Variants in CSGALNACT1 observed in about 807,000 individuals in gnomAD.
CSGALNACT1 encodes beta4GalNAcT-1.
In CSGALNACT1, 52 loss-of-function variants were observed where a neutral mutation model predicts 51.0. That is an observed-to-expected ratio of 1.02 (90% confidence interval 0.82 to 1.29). The LOEUF (loss-of-function observed/expected upper bound fraction) is 1.29, where lower values mean the gene tolerates loss of function less well. CSGALNACT1 is among the 50% of genes most tolerant of loss of function. The probability of loss-of-function intolerance (pLI) is 0.00; values close to 1 mark genes in which losing one functional copy is unlikely to be tolerated. For missense variants in CSGALNACT1, 935 were observed against 679.2 expected, an observed-to-expected ratio of 1.38 and a Z score of -4.19; for synonymous variants, 341 against 254.4, an observed-to-expected ratio of 1.34 and a Z score of -3.24.
At chr8:19,715,838 C>A (rs569972970) in intron 1 of CSGALNACT1, among the ~76,000 whole-genome samples, 41 of 152,166 alleles carry the variant, frequency 2.7e-4, no homozygotes, top group Admixed American at 1.4e-3. Context: ...CAGTGACCTG[C>A]CAGCCTCACA....
At chr8:19,549,721 G>T (rs558873527) in intron 3 of CSGALNACT1, among the ~76,000 whole-genome samples, 40 of 137,594 alleles carry the variant, frequency 2.9e-4, no homozygotes, top group African/African-American at 1.1e-3. Context: ...CCCAAGAAAG[G>T]GTGCAGAGGA....
rs183223695 is a variant in CSGALNACT1, at chr8:19,432,598, T to C, written c.953+7232A>G. Among the ~76,000 whole-genome samples the C allele has an allele frequency of 2.0e-3, 297 of 152,088 alleles. 1 individual carries two copies. The highest frequency in any genetic ancestry group is 7.0e-3 in the African/African-American group (288 of 41,392). Reference sequence around the variant, plus strand: ...TGGTATCCCATGAATCTCAGGTTTGTTCATTTTCTTCATTCTTTTTTCTGT... The same window carrying C: ...TGGTATCCCATGAATCTCAGGTTTGCTCATTTTCTTCATTCTTTTTTCTGT... On this transcript the variant is annotated intron_variant, in intron 6 of 9. Transcript: ENST00000454498.
intron 3 of CSGALNACT1, among the ~76,000 whole-genome samples, chr8:19,580,402 A>C (rs1172794201): frequency 4.6e-5 from 7 of 152,234 alleles, no homozygotes; most frequent in Admixed American, 4.6e-4. Flanking sequence ...TAGTATGGAC[A>C]GAGTCCTGGT....
chr8:19,426,820 G>A (rs912683383), intron 6 of CSGALNACT1, among the ~76,000 whole-genome samples: 2 of 152,120 alleles, frequency 1.3e-5, no homozygotes, highest in East Asian at 1.9e-4. Context: ...GATTAAAAAC[G>A]ATAGATCTTC....
chr8:19,574,844 G>T (rs2043806112), intron 3 of CSGALNACT1, among the ~76,000 whole-genome samples: 1 of 152,084 alleles, frequency 6.6e-6, no homozygotes. Flanking sequence ...AGACCACCCT[G>T]GCCCATGTGG....
intron 1 of CSGALNACT1, among the ~76,000 whole-genome samples, chr8:19,664,538 T>A (rs1019408677): frequency 5.9e-5 from 9 of 152,124 alleles, no homozygotes; most frequent in African/African-American, 2.2e-4. Flanking sequence ...CCCTCCTATG[T>A]TTATCCCAGC....
chr8:19,594,897 C>T (rs1413150818), intron 2 of CSGALNACT1, among the ~76,000 whole-genome samples: 1 of 152,082 alleles, frequency 6.6e-6, no homozygotes, highest in Non-Finnish European at 1.5e-5. Context: ...GACCTTTACT[C>T]CTTTTATATA....
intron 1 of CSGALNACT1, among the ~76,000 whole-genome samples, chr8:19,617,718 G>C (rs1257900864): frequency 2.0e-5 from 3 of 152,100 alleles, no homozygotes; most frequent in African/African-American, 4.8e-5. Flanking sequence ...TATTTTCATT[G>C]AATTACTTTG....
intron 5 of CSGALNACT1, among the ~76,000 whole-genome samples, chr8:19,443,153 T>C (rs2061588750): frequency 1.3e-5 from 2 of 152,324 alleles, no homozygotes; most frequent in South Asian, 2.1e-4. Flanking sequence ...GTTTTGCCCA[T>C]GTCCTGTCCT....
At chr8:19,483,678 A>C (rs2072086391) in intron 4 of CSGALNACT1, among the ~76,000 whole-genome samples, 1 of 152,190 alleles carries the variant, frequency 6.6e-6, no homozygotes, top group Admixed American at 6.5e-5. Context: ...TCTGTAATCT[A>C]AAACCATACC....
At chr8:19,456,494 G>A (rs550793477) in intron 5 of CSGALNACT1, among the ~76,000 whole-genome samples, 1 of 152,228 alleles carries the variant, frequency 6.6e-6, no homozygotes, top group Non-Finnish European at 1.5e-5. Flanking sequence ...CCACATTCAG[G>A]TTCAACAACT....
In CSGALNACT1 at chr8:19,636,786, C is replaced by G. The variant is rs374132131; in HGVS notation, c.-543-34921G>C. 2.5e-4 allele frequency among the ~76,000 whole-genome samples: 38 copies of G among 152,202 alleles called. No individual in the cohort carries two copies. The East Asian group carries it at 6.8e-3, about 27-fold the overall frequency. On this transcript the variant is annotated intron_variant, in intron 1 of 9. Transcript: ENST00000332246. ...TCCCGAGTTTTGTAACGTTTTTTAC[C>G]TTATGTAATACCATTTCAATGTGGA...
At chr8:19,409,957 C>T (rs2055311624) in intron 8 of CSGALNACT1, among the ~76,000 whole-genome samples, 1 of 152,124 alleles carries the variant, frequency 6.6e-6, no homozygotes, top group East Asian at 1.9e-4. Flanking sequence ...TCACATCTTC[C>T]CCCTTCCTGA....
At chr8:19,635,154 C>A (rs563484501) in intron 1 of CSGALNACT1, among the ~76,000 whole-genome samples, 1 of 152,296 alleles carries the variant, frequency 6.6e-6, no homozygotes, top group East Asian at 1.9e-4. Context: ...TGGGCCTGGC[C>A]ATCAGGGCAG....
At chr8:19,652,318 A>G (rs1226981179) in intron 1 of CSGALNACT1, among the ~76,000 whole-genome samples, 2 of 152,176 alleles carry the variant, frequency 1.3e-5, no homozygotes, top group Non-Finnish European at 2.9e-5. Flanking sequence ...TCCTTAAGGT[A>G]AATATTTGGT....
chr8:19,615,527 G>A (rs184402998), intron 1 of CSGALNACT1, among the ~76,000 whole-genome samples: 90 of 152,216 alleles, frequency 5.9e-4, no homozygotes, highest in African/African-American at 2.0e-3. Flanking sequence ...CTTCCAAATC[G>A]TAAGAAAACA....
chr8:19,744,022 T>C (rs970590987), intron 1 of CSGALNACT1, among the ~76,000 whole-genome samples: 1 of 152,220 alleles, frequency 6.6e-6, no homozygotes. Context: ...AGACTATTAT[T>C]CTGAATGGTA....
At chr8:19,480,927 C>G (rs1450439404) in intron 4 of CSGALNACT1, among the ~76,000 whole-genome samples, 1 of 152,156 alleles carries the variant, frequency 6.6e-6, no homozygotes, top group African/African-American at 2.4e-5. Context: ...ACTCATTCCC[C>G]TCTTGTGCCC....
intron 1 of CSGALNACT1, among the ~76,000 whole-genome samples, chr8:19,718,221 G>T (rs1013888079): frequency 6.6e-6 from 1 of 152,166 alleles, no homozygotes; most frequent in African/African-American, 2.4e-5. Context: ...AGCCTCCCAA[G>T]TAGCTGGGAT....
Sources: allele counts gnomAD v4.1 joint callset (sites outside exome capture counted in the v4.1 genomes callset), GRCh38; gene constraint gnomAD v4.1.1; transcripts MANE v1.5; gene names NCBI Gene and HGNC (gene_info 2026-07-23, HGNC 2026-07-21).